CST3: variants seen among roughly 807,000 people sequenced by gnomAD.
CST3 encodes the protein cystatin C.
In CST3, 14 loss-of-function variants were observed where a neutral mutation model predicts 9.0. The ratio of observed to expected loss-of-function variants is 1.56; its 90% CI spans 1.03 to 2.44. The LOEUF is 2.44. Among genes scored for constraint, CST3 ranks in the 30% most tolerant of loss-of-function variants. The pLI is 0.00. For missense variants in CST3, 237 were observed against 204.3 expected, an observed-to-expected ratio of 1.16 and a Z score of -0.98; for synonymous variants, 96 against 90.2, an observed-to-expected ratio of 1.06 and a Z score of -0.37.
rs1472916751 is a variant in CST3 at position 23,637,600 on chromosome 20, C to G, written c.243+20G>C. On this transcript the variant is annotated intron_variant, in intron 1 of 2. Transcript: ENST00000376925. The stretch of plus-strand genomic sequence containing the variant: ...GACGGCGGGGCCGGGGCTTCGGACC[C>G]TGCGGGGGGCGGCACGCACCTGCTT... 3 of 1,505,888 alleles carry G rather than the reference C, an allele frequency of 2.0e-6. No individual in the cohort carries two copies. Among genetic ancestry groups the G allele is most frequent in the Non-Finnish European group, 2.7e-6 (3 of 1,127,622 alleles). The allele number at this position is 1,505,888 out of a possible 1,614,324, so 93.3% of individuals were successfully genotyped here. A position where few individuals can be genotyped will look rare whatever the true frequency, so the allele number is the denominator to read the frequency against.
intron 1 of CST3, 45 bp downstream of exon 1, chr20:23,637,575 G>A: frequency 2.1e-6 from 3 of 1,449,044 alleles, no homozygotes; most frequent in Non-Finnish European, 2.7e-6. Flanking sequence ...GGGAGGCTGG[G>A]ACGGCGGGGC....
downstream of CST3, chr20:23,628,842 C>T (rs756788036): frequency 1.2e-4 from 19 of 152,222 alleles, no homozygotes; most frequent in African/African-American, 3.1e-4. Context: ...AGTCCTCCCG[C>T]GTCAGCCTCC....
intron 1 of CST3, among the ~76,000 whole-genome samples, chr20:23,635,629 G>A (rs550861376): frequency 6.6e-6 from 1 of 152,350 alleles, no homozygotes; most frequent in South Asian, 2.1e-4. Context: ...CTATGACCCA[G>A]GGGGCAGGGA....
At position 23,637,887 on chromosome 20, in the gene CST3, G is replaced by T. The variant is rs993920449; in HGVS notation, c.-25C>A. Reference sequence around the variant, plus strand: ...TGGTCGGCTAGGACGCGGGACGCGGGGAGTGGGGCGCAGGCGAGAGGCTGG... The same window carrying T: ...TGGTCGGCTAGGACGCGGGACGCGGTGAGTGGGGCGCAGGCGAGAGGCTGG... On this transcript the variant is annotated 5_prime_UTR_variant, in exon 1 of 3. Coordinates refer to ENST00000376925, the MANE Select transcript of CST3 (RefSeq NM_000099.4). 4.3e-6 allele frequency: 6 copies of T among 1,384,308 alleles called. No individual in the cohort carries two copies. The highest frequency in any genetic ancestry group is 2.8e-6 in the Non-Finnish European group (3 of 1,079,306). 85.8% of individuals were successfully genotyped at this position (1,384,308 alleles called of 1,614,324 possible).
exon 4 of CST3, chr20:23,626,990 A>G (rs1346321972): frequency 6.6e-6 from 1 of 152,226 alleles, no homozygotes; most frequent in African/African-American, 2.4e-5. Context: ...TGCCTTAGGT[A>G]AAATGTAGCT....
At chr20:23,627,775 G>T (rs1025206960) in exon 4 of CST3, 2 of 152,244 alleles carry the variant, frequency 1.3e-5, no homozygotes, top group African/African-American at 4.8e-5. Flanking sequence ...AGCTAATGGT[G>T]TTATGCACGT....
At chr20:23,632,550 C>T (rs548877410), downstream of CST3, among the ~76,000 whole-genome samples, 18 of 152,298 alleles carry the variant, frequency 1.2e-4, no homozygotes, top group Admixed American at 2.6e-4. Flanking sequence ...AGGAAGCAGA[C>T]GCTCCCCACT....
exon 4 of CST3, chr20:23,628,535 T>G (rs565945331): frequency 1.1e-4 from 16 of 152,336 alleles, no homozygotes; most frequent in African/African-American, 3.8e-4. Flanking sequence ...GTCATGGGAC[T>G]GTGGGTCTGA....
chr20:23,632,306 G>C (rs1979478285), downstream of CST3: 2 of 152,264 alleles, frequency 1.3e-5, no homozygotes, highest in South Asian at 4.1e-4. Context: ...CTGTGTCAAA[G>C]ATCCTTCACC....
chr20:23,636,231 G>A (rs1211238617), intron 1 of CST3, among the ~76,000 whole-genome samples: 1 of 152,182 alleles, frequency 6.6e-6, no homozygotes, highest in East Asian at 1.9e-4. Flanking sequence ...TGACGGCTGC[G>A]GGAGAAACGC....
Position 23,633,903 on chromosome 20 carries a change from C to A in CST3, c.*13G>T, listed in dbSNP as rs763764400. On this transcript the variant is annotated 3_prime_UTR_variant, in exon 3 of 3. Coordinates refer to ENST00000376925, the MANE Select transcript of CST3 (RefSeq NM_000099.4). ...TAAGAGGTGATAGGCACAGGCCAGC[C>A]CGGTACAGACCCCTAGGCGTCCTGA... The A allele has an allele frequency of 3.1e-6, 5 of 1,612,116 alleles. No individual in the cohort carries two copies. Among genetic ancestry groups the A allele is most frequent in the Non-Finnish European group, 4.2e-6 (5 of 1,178,350 alleles).
At chr20:23,636,888 C>A (rs1464395377) in intron 1 of CST3, among the ~76,000 whole-genome samples, 8 of 152,230 alleles carry the variant, frequency 5.3e-5, no homozygotes, top group Non-Finnish European at 4.4e-5. Context: ...AGCATTAGAT[C>A]ATGAATGTGT....
chr20:23,633,884 G>A lies in CST3; in HGVS notation c.*32C>T, dbSNP rs753716901. 6 of 1,568,412 alleles carry A rather than the reference G, an allele frequency of 3.8e-6. No individual in the cohort carries two copies. The highest frequency in any genetic ancestry group is 2.2e-5 in the South Asian group (2 of 90,090). ...AGGGGGTGGGAGGTGTGCATAAGAG[G>A]TGATAGGCACAGGCCAGCCCGGTAC... On this transcript the variant is annotated 3_prime_UTR_variant, in exon 3 of 3. Transcript: ENST00000376925.
At chr20:23,629,138 C>T (rs550066226), downstream of CST3, 1 of 152,322 alleles carries the variant, frequency 6.6e-6, no homozygotes, top group South Asian at 2.1e-4. Context: ...CCCTGACCAG[C>T]TTAGCCAGGG....
At chr20:23,633,499 C>G, downstream of CST3, 1 of 316,212 alleles carries the variant, frequency 3.2e-6, no homozygotes, top group East Asian at 7.3e-5. Flanking sequence ...AGACTCAGGA[C>G]TCCTATAGCA....
chr20:23,628,898 C>G (rs1432459122), downstream of CST3: 1 of 152,244 alleles, frequency 6.6e-6, no homozygotes, highest in Non-Finnish European at 1.5e-5. Flanking sequence ...CTTGCTGTCT[C>G]TTCAGTTTTG....
At chr20:23,632,027 T>C (rs926386675), downstream of CST3, 1 of 152,266 alleles carries the variant, frequency 6.6e-6, no homozygotes, top group African/African-American at 2.4e-5. Context: ...TCTGGCTCAC[T>C]GGCCTCATGG....
exon 4 of CST3, chr20:23,627,061 TTAAA>T (rs1979280937): frequency 6.6e-6 from 1 of 152,216 alleles, no homozygotes; most frequent in South Asian, 2.1e-4. Context: ...CCTCACCCAC[TTAAA>T]GTATACAATT....
chr20:23,636,647 G>T (rs968256364), intron 1 of CST3, among the ~76,000 whole-genome samples: 41 of 152,170 alleles, frequency 2.7e-4, no homozygotes, highest in African/African-American at 8.2e-4. Flanking sequence ...AGGATGAGCC[G>T]CATGGCCTAG....
Sources: allele counts gnomAD v4.1 joint callset (sites outside exome capture counted in the v4.1 genomes callset), GRCh38; gene constraint gnomAD v4.1.1; transcripts MANE v1.5; gene names NCBI Gene and HGNC (gene_info 2026-07-23, HGNC 2026-07-21).